The following PTPRE variants were observed in gnomAD, a reference collection of about 807,000 sequenced individuals.
PTPRE encodes receptor-type tyrosine-protein phosphatase epsilon.
Under a neutral mutation model 102.0 loss-of-function variants are expected in PTPRE, and 51 were observed. The ratio of observed to expected loss-of-function variants is 0.50; its 90% CI spans 0.40 to 0.63. The LOEUF (loss-of-function observed/expected upper bound fraction) is 0.63, where lower values mean the gene tolerates loss of function less well. PTPRE is among the 30% of genes least tolerant of loss of function. The pLI is 0.00. For missense variants in PTPRE, 752 were observed against 915.1 expected, an observed-to-expected ratio of 0.82 and a Z score of 2.30; for synonymous variants, 345 against 348.2, an observed-to-expected ratio of 0.99 and a Z score of 0.10.
Position 127,964,119 on chromosome 10 carries a change from G to A in PTPRE, c.-30-18155G>A, listed in dbSNP as rs111287954. Among the ~76,000 whole-genome samples the A allele has an allele frequency of 6.5e-3, 994 of 152,138 alleles. 11 individuals are homozygous for A. Among genetic ancestry groups the A allele is most frequent in the African/African-American group, 0.022 (924 of 41,492 alleles). On this transcript the variant is annotated intron_variant, in intron 1 of 20. Transcript: ENST00000254667. The stretch of plus-strand genomic sequence containing the variant: ...GAACCCAGCATAACTGCAGTCCGTC[G>A]CCCCCTCCCAGCTGGCAGAGTATCC...
chr10:128,047,599 T>C (rs201083388), intron 4 of PTPRE, 110 bp downstream of exon 4: 1 of 1,612,496 alleles, frequency 6.2e-7, no homozygotes, highest in Non-Finnish European at 8.5e-7. Flanking sequence ...AGAGGCTGGG[T>C]GGCTGGGCCT....
At chr10:127,993,610 T>C (rs538406227) in intron 2 of PTPRE, among the ~76,000 whole-genome samples, 1 of 151,688 alleles carries the variant, frequency 6.6e-6, no homozygotes, top group East Asian at 1.9e-4. Flanking sequence ...GAAGGGGGAG[T>C]AGGGAGAAGA....
Position 127,926,688 on chromosome 10 carries a change from G to A in PTPRE, c.-31+19379G>A, listed in dbSNP as rs150079348. On this transcript the variant is annotated intron_variant, in intron 1 of 20. Coordinates refer to ENST00000254667, the MANE Select transcript of PTPRE (RefSeq NM_006504.6). Reference sequence around the variant, plus strand: ...AGTAGTCATGGTGGCCACAGGAAAGGAGACGCCTAGCAGGGGAGGAACTAG... The same window carrying A: ...AGTAGTCATGGTGGCCACAGGAAAGAAGACGCCTAGCAGGGGAGGAACTAG... Among the ~76,000 whole-genome samples, 39 of 152,186 alleles carry A rather than the reference G, an allele frequency of 2.6e-4. 1 individual carries two copies. The East Asian group carries it at 7.5e-3, about 29-fold the overall frequency.
intron 20 of PTPRE, 95 bp downstream of exon 20, chr10:128,079,790 G>T: frequency 7.0e-7 from 1 of 1,436,736 alleles, no homozygotes; most frequent in Non-Finnish European, 9.4e-7. Flanking sequence ...AGTACATGGG[G>T]GAGGTGGGAA....
intron 2 of PTPRE, among the ~76,000 whole-genome samples, chr10:128,014,716 C>T (rs1053066668): frequency 3.9e-5 from 6 of 152,130 alleles, no homozygotes; most frequent in African/African-American, 9.7e-5. Flanking sequence ...CCCCATCCCC[C>T]GTCTCAACCC....
intron 2 of PTPRE, among the ~76,000 whole-genome samples, chr10:127,991,515 C>A (rs1852653202): frequency 6.6e-6 from 1 of 152,194 alleles, no homozygotes. Context: ...ACACGGCAAG[C>A]ATGACGCCAT....
intron 2 of PTPRE, among the ~76,000 whole-genome samples, chr10:128,024,856 G>A (rs977597183): frequency 2.0e-5 from 3 of 152,146 alleles, no homozygotes; most frequent in African/African-American, 7.2e-5. Context: ...TGGGGCTTCT[G>A]CAGTGTTTAT....
At chr10:127,996,733 A>C (rs1467070146) in intron 2 of PTPRE, among the ~76,000 whole-genome samples, 1 of 152,202 alleles carries the variant, frequency 6.6e-6, no homozygotes, top group Non-Finnish European at 1.5e-5. Context: ...AGGCACACGC[A>C]GGCTCCGAGT....
chr10:127,967,832 C>T (rs559220106), intron 1 of PTPRE, among the ~76,000 whole-genome samples: 103 of 152,286 alleles, frequency 6.8e-4, no homozygotes, highest in Non-Finnish European at 1.3e-3. Flanking sequence ...TAACCATTGT[C>T]CCCACTTCTG....
rs542204742 is a variant in PTPRE, at chr10:127,907,216, C to G, written c.-124C>G. ...GACCCTTCTTCGCGCCCGGCGAAGA[C>G]AGCCGGGCGCCCCGGAGGGCGGCGG... On this transcript the variant is annotated 5_prime_UTR_variant, in exon 1 of 21. Coordinates refer to ENST00000254667, the MANE Select transcript of PTPRE (RefSeq NM_006504.6). The surrounding 1 kb of genome is among the most constrained non-coding windows in gnomAD (Gnocchi z 4.8). The G allele has an allele frequency of 2.8e-4, 276 of 978,258 alleles. 1 individual carries two copies. Among genetic ancestry groups the G allele is most frequent in the Admixed American group, 7.4e-4 (12 of 16,214 alleles). The allele number at this position is 978,258 out of a possible 1,614,324, so 60.6% of individuals were successfully genotyped here.
chr10:127,991,783 A>C (rs1852687125), intron 2 of PTPRE, among the ~76,000 whole-genome samples: 1 of 152,126 alleles, frequency 6.6e-6, no homozygotes, highest in African/African-American at 2.4e-5. Context: ...TCCGTCCAGC[A>C]GGGATCTGGC....
rs60034358 is a variant in PTPRE at position 127,990,411 on chromosome 10, CAAAAAAAAAAAA to C, written c.-8+8126_-8+8137del. ...TGGGTGACAGAGCATGACTCCACCT[CAAAAAAAAAAAA>C]AAAAAAAAAAGAAAGAAAAGAAAAG... On this transcript the variant is annotated intron_variant, in intron 2 of 20. Transcript: ENST00000254667. Among the ~76,000 whole-genome samples, 6 of 65,738 alleles carry C rather than the reference CAAAAAAAAAAAA, an allele frequency of 9.1e-5. No individual in the cohort carries two copies. In the East Asian group the frequency reaches 1.6e-3, roughly 18 times the overall value. 43.1% of individuals were successfully genotyped at this position (65,738 alleles called of 152,430 possible).
intron 3 of PTPRE, among the ~76,000 whole-genome samples, chr10:128,041,591 T>C (rs1041001303): frequency 5.6e-5 from 7 of 125,836 alleles, no homozygotes; most frequent in Non-Finnish European, 7.7e-5. Context: ...GAGGTTGCAG[T>C]GAGCTGAGAT....
chr10:127,977,251 G>T (rs1396419576), intron 1 of PTPRE, among the ~76,000 whole-genome samples: 2 of 152,196 alleles, frequency 1.3e-5, no homozygotes, highest in African/African-American at 4.8e-5. Context: ...CAGTAAGACT[G>T]CTTCAAGGTC....
chr10:127,915,423 G>A (rs996262001), intron 1 of PTPRE, among the ~76,000 whole-genome samples: 13 of 152,328 alleles, frequency 8.5e-5, no homozygotes, highest in African/African-American at 2.9e-4. Flanking sequence ...ATTTTGAACT[G>A]CTGTTGACTA....
At chr10:128,066,755 A>G (rs1850128639) in intron 11 of PTPRE, among the ~76,000 whole-genome samples, 1 of 152,244 alleles carries the variant, frequency 6.6e-6, no homozygotes, top group Non-Finnish European at 1.5e-5. Context: ...TCATTGGCAT[A>G]ATTAGGTCAC....
chr10:127,949,797 C>A (rs1280246295), intron 1 of PTPRE, among the ~76,000 whole-genome samples: 1 of 152,102 alleles, frequency 6.6e-6, no homozygotes, highest in Non-Finnish European at 1.5e-5. Context: ...TGAATTACCG[C>A]GAAAGCTGAG....
At chr10:128,079,337 C>A (rs576929900) in intron 19 of PTPRE, among the ~76,000 whole-genome samples, 1 of 152,162 alleles carries the variant, frequency 6.6e-6, no homozygotes, top group Non-Finnish European at 1.5e-5. Context: ...TATAAAATAT[C>A]GGTCTCCTGT....
rs1318777978 is a variant in PTPRE, at chr10:127,907,810, G to T, written c.-31+501G>T. Among the ~76,000 whole-genome samples the T allele has an allele frequency of 7.2e-5, 11 of 152,202 alleles. No individual in the cohort carries two copies. The highest frequency in any genetic ancestry group is 7.4e-5 in the Non-Finnish European group (5 of 68,020). On this transcript the variant is annotated intron_variant, in intron 1 of 20. Coordinates refer to ENST00000254667, the MANE Select transcript of PTPRE (RefSeq NM_006504.6). This position sits in a 1 kb window ranked among gnomAD's most constrained non-coding sequence, Gnocchi z 4.8. ...TCTGCCAGGATGCTGCCCCGCAGCC[G>T]GGCGGGCGCCCGCGCCTTCCCAGGG...
Sources: gnomAD v4.1 joint callset for allele counts (sites outside exome capture counted in the v4.1 genomes callset) on GRCh38, gnomAD v4.1.1 for gene constraint, Gnocchi (gnomAD v3.1) non-coding constraint, MANE v1.5 for transcripts, NCBI Gene and HGNC (gene_info 2026-07-23, HGNC 2026-07-21) for gene names.